CCNH: variants seen among roughly 807,000 people sequenced by gnomAD.
The protein encoded by CCNH is cyclin H.
Under a neutral mutation model 41.9 loss-of-function variants are expected in CCNH, and 31 were observed. That is an observed-to-expected ratio of 0.74 (90% CI 0.56 to 1.00). The LOEUF is 1.00. CCNH is among the 50% of genes least tolerant of loss of function. The pLI is 0.00. For synonymous variants in CCNH, 138 were observed against 136.1 expected, an observed-to-expected ratio of 1.01 and a Z score of -0.10; for missense variants, 362 against 388.4, an observed-to-expected ratio of 0.93 and a Z score of 0.57.
chr5:87,398,212 C>A (rs1038926107), intron 7 of CCNH, among the ~76,000 whole-genome samples: 1 of 152,138 alleles, frequency 6.6e-6, no homozygotes, highest in African/African-American at 2.4e-5. Context: ...AATAAAACAA[C>A]CTCATATTCT....
At chr5:87,382,150 C>A (rs1441231319), upstream of CCNH, among the ~76,000 whole-genome samples, 1 of 152,118 alleles carries the variant, frequency 6.6e-6, no homozygotes, top group Non-Finnish European at 1.5e-5. Context: ...TGGGGTTAGA[C>A]CATGTTGGCC....
chr5:87,356,797 A>G (rs1487408671), intron 9 of CCNH, among the ~76,000 whole-genome samples: 1 of 152,206 alleles, frequency 6.6e-6, no homozygotes, highest in Non-Finnish European at 1.5e-5. Flanking sequence ...CTGCGAAACC[A>G]AAAAATTCAT....
chr5:87,371,485 C>G (rs1760936312), downstream of CCNH, among the ~76,000 whole-genome samples: 1 of 152,058 alleles, frequency 6.6e-6, no homozygotes, highest in South Asian at 2.1e-4. Context: ...TAGTTCTCTC[C>G]TTTTCCCCAA....
At chr5:87,393,074 GAA>G (rs138557953), downstream of CCNH, among the ~76,000 whole-genome samples, 2 of 133,782 alleles carry the variant, frequency 1.5e-5, no homozygotes, top group Admixed American at 7.5e-5. Flanking sequence ...TCTGGAATGA[GAA>G]AAAAAAAAAA....
rs1758955042 is a variant in CCNH at position 87,347,607 on chromosome 5, C to A, written c.*91-28710G>T. ...AGAGGTAATCTGAATTGTTTTAATC[C>A]ATAAAGCACTGCATTTTAAATTAAT... On this transcript the variant is annotated intron_variant and NMD_transcript_variant, in intron 9 of 9. Coordinates refer to the CCNH transcript ENST00000645953. 2.6e-5 allele frequency among the ~76,000 whole-genome samples: 4 copies of A among 151,942 alleles called. No homozygotes were observed. In the South Asian group the frequency reaches 8.3e-4, roughly 31 times the overall value.
chr5:87,379,952 A>T (rs1178763018), upstream of CCNH: 4 of 1,195,966 alleles, frequency 3.3e-6, no homozygotes, highest in Admixed American at 6.5e-5. Flanking sequence ...TAATATTATT[A>T]TACTCTGAAA....
At chr5:87,330,769 C>T (rs1307884667) in intron 9 of CCNH, among the ~76,000 whole-genome samples, 1 of 152,104 alleles carries the variant, frequency 6.6e-6, no homozygotes, top group East Asian at 1.9e-4. Flanking sequence ...AAGTTGAGTG[C>T]AAATGTAAAA....
At chr5:87,340,222 T>A (rs376332497) in intron 9 of CCNH, among the ~76,000 whole-genome samples, 86 of 152,262 alleles carry the variant, frequency 5.6e-4, no homozygotes, top group Middle Eastern at 6.8e-3. Context: ...TCAGTTCATA[T>A]GTCATCCCTG....
At chr5:87,391,088 C>T (rs10474257), downstream of CCNH, 2 of 640,398 alleles carry the variant, frequency 3.1e-6, no homozygotes, top group Non-Finnish European at 2.8e-6. Flanking sequence ...GATATTTGCA[C>T]TATTTCCACA....
At chr5:87,385,406 A>T (rs747075516) in intron 9 of CCNH, 2 of 1,540,288 alleles carry the variant, frequency 1.3e-6, no homozygotes, top group Non-Finnish European at 1.8e-6. Context: ...ACATTTTGAT[A>T]CTTTAAAATG....
downstream of CCNH, chr5:87,374,889 A>ACAC (rs766436082): frequency 6.2e-7 from 1 of 1,608,892 alleles, no homozygotes; most frequent in South Asian, 1.1e-5. Context: ...TAGTAATAAA[A>ACAC]CAAAGAAAAG....
chr5:87,354,682 A>G (rs1317694914), intron 9 of CCNH, among the ~76,000 whole-genome samples: 1 of 152,164 alleles, frequency 6.6e-6, no homozygotes, highest in East Asian at 1.9e-4. Context: ...ATTAAGTCAA[A>G]AGCTAGAAAT....
chr5:87,349,152 A>G, intron 9 of CCNH: 2 of 1,567,438 alleles, frequency 1.3e-6, no homozygotes, highest in Non-Finnish European at 8.8e-7. Context: ...TAATAATACT[A>G]CTTAACATCT....
At chr5:87,360,880 T>C (rs1246550087) in intron 9 of CCNH, among the ~76,000 whole-genome samples, 1 of 152,168 alleles carries the variant, frequency 6.6e-6, no homozygotes, top group African/African-American at 2.4e-5. Context: ...CCTGGATCAG[T>C]TTTTTTCTCT....
intron 9 of CCNH, among the ~76,000 whole-genome samples, chr5:87,340,713 T>C (rs1014553644): frequency 2.0e-5 from 3 of 152,140 alleles, no homozygotes; most frequent in African/African-American, 7.2e-5. Context: ...GAGGTAGCAT[T>C]TGAGATAGTT....
intron 9 of CCNH, among the ~76,000 whole-genome samples, chr5:87,349,891 G>A (rs1759131750): frequency 6.6e-6 from 1 of 151,778 alleles, no homozygotes; most frequent in Non-Finnish European, 1.5e-5. Context: ...TACTTGATTA[G>A]GAAAATAAGT....
At chr5:87,388,211 A>G (rs1762200382), downstream of CCNH, among the ~76,000 whole-genome samples, 1 of 152,190 alleles carries the variant, frequency 6.6e-6, no homozygotes. Flanking sequence ...TTTCATCGCT[A>G]TAAACCTTTA....
At chr5:87,316,177 C>T (rs906981151), downstream of CCNH, among the ~76,000 whole-genome samples, 10 of 152,102 alleles carry the variant, frequency 6.6e-5, no homozygotes, top group South Asian at 4.1e-4. Context: ...GCAAATATGA[C>T]GAATGGTTAG....
At chr5:87,390,983 T>A (rs1055222994), downstream of CCNH, 1 of 1,192,590 alleles carries the variant, frequency 8.4e-7, no homozygotes, top group Admixed American at 1.8e-5. Flanking sequence ...ATAGCACACT[T>A]TTCCACATTC....
Sources: gnomAD v4.1 joint callset for allele counts (sites outside exome capture counted in the v4.1 genomes callset) on GRCh38, gnomAD v4.1.1 for gene constraint, MANE v1.5 for transcripts, NCBI Gene and HGNC (gene_info 2026-07-23, HGNC 2026-07-21) for gene names.